Variants in ITSN2 observed in about 807,000 individuals in gnomAD.
ITSN2 encodes the protein intersectin 2, also known as intersectin-2.
A neutral mutation model predicts 243.7 loss-of-function variants in ITSN2; 156 were observed. The ratio of observed to expected loss-of-function variants is 0.64; its 90% CI spans 0.56 to 0.73. ITSN2 has a LOEUF of 0.73. Among genes scored for constraint, ITSN2 ranks in the 30% least tolerant of loss-of-function variants. The pLI is 0.00. For synonymous variants in ITSN2, 703 were observed against 699.9 expected (o/e 1.00, Z -0.07); for missense variants, 1,801 against 1,996.1 (o/e 0.90, Z 1.86).
chr2:24,261,195 A>G lies in ITSN2; in HGVS notation c.2593T>C (p.Ser865Pro). 1 of 1,613,392 alleles carries G rather than the reference A, an allele frequency of 6.2e-7. No individual in the cohort carries two copies. Among genetic ancestry groups the G allele is most frequent in the Non-Finnish European group, 8.5e-7 (1 of 1,179,356 alleles). Reference sequence around the variant, plus strand: ...CATGATGTATTTACAGTTAGGTTTGAAAAAGATACATTTTGATAATCAGTC... The same window carrying G: ...CATGATGTATTTACAGTTAGGTTTGGAAAAGATACATTTTGATAATCAGTC... The part of the protein sequence containing the change: ...SVTDYQNVSF[S>P]NLTVNTSWQK... Residue 865 changes from serine (S) to proline (P), a missense_variant, in exon 22 of 40, where the codon TCA (serine) becomes CCA (proline). Transcript: ENST00000355123.
In ITSN2 at chr2:24,216,096, A is replaced by T. The variant is rs746965329; in HGVS notation, c.3943T>A (p.Leu1315Ile). 3 of 1,611,804 alleles carry T rather than the reference A, an allele frequency of 1.9e-6. No individual in the cohort carries two copies. Among genetic ancestry groups the T allele is most frequent in the Admixed American group, 3.3e-5 (2 of 59,774 alleles). The change falls in exon 32 of 40, where the codon TTA becomes ATA. Residue 1315 changes from leucine to isoleucine, a missense_variant. This residue lies in a region of ITSN2 where 928 missense variants were observed against 1,065.4 expected (regional missense o/e 0.87). Transcript: ENST00000355123. Reference sequence around the variant, plus strand: ...GTGTCTTCATCTGTCTTCTGCTGTAACAGAGCTGCTCCATTAAGCTGGCAG... The same window carrying T: ...GTGTCTTCATCTGTCTTCTGCTGTATCAGAGCTGCTCCATTAAGCTGGCAG... ...CSCQLNGAALLQQKTDEDTDF... is the reference protein window; with the variant it reads ...CSCQLNGAALIQQKTDEDTDF...
chr2:24,301,902 C>G, intron 10 of ITSN2, 63 bp downstream of exon 10: 1 of 1,439,912 alleles, frequency 6.9e-7, no homozygotes, highest in Non-Finnish European at 9.4e-7. Context: ...ATATTTAACT[C>G]TCTTCTAAAT....
At chr2:24,359,967 G>A (rs1286432463) in intron 1 of ITSN2, among the ~76,000 whole-genome samples, 2 of 152,156 alleles carry the variant, frequency 1.3e-5, no homozygotes, top group South Asian at 4.1e-4. Flanking sequence ...AGGGGGCCAC[G>A]CCACCCCCGA....
chr2:24,286,294 C>T lies in ITSN2; in HGVS notation c.1781G>A (p.Arg594Lys), dbSNP rs1266264334. Residue 594 changes from arginine (R) to lysine (K), a missense_variant, in exon 16 of 40, where the codon AGA (arginine) becomes AAA (lysine). Transcript: ENST00000355123. Reference protein sequence around the residue: ...KSLEKEELCQRLKEQLDALEK... With the variant: ...KSLEKEELCQKLKEQLDALEK... Reference sequence around the variant, plus strand: ...AAGAGCATCTAACTGTTCTTTAAGTCTTTGGCATAATTCTTCCTTTTCTAA... The same window carrying T: ...AAGAGCATCTAACTGTTCTTTAAGTTTTTGGCATAATTCTTCCTTTTCTAA... 6.2e-7 allele frequency: 1 copy of T among 1,606,154 alleles called. No homozygotes were observed. The highest frequency in any genetic ancestry group is 1.3e-5 in the African/African-American group (1 of 74,750).
At chr2:24,292,711 C>T (rs563899189) in intron 15 of ITSN2, among the ~76,000 whole-genome samples, 63 of 152,324 alleles carry the variant, frequency 4.1e-4, no homozygotes, top group Non-Finnish European at 6.3e-4. Flanking sequence ...CCACAGGAAA[C>T]CTGCATTCTA....
intron 1 of ITSN2, among the ~76,000 whole-genome samples, chr2:24,338,459 C>G (rs1273998824): frequency 1.3e-5 from 2 of 152,194 alleles, no homozygotes; most frequent in Admixed American, 1.3e-4. Flanking sequence ...TCAGGACCTC[C>G]TGAAGGCTGT....
rs776051161 is a variant in ITSN2, at chr2:24,205,294, C to T, written c.4682G>A (p.Arg1561His). Residue 1561 changes from arginine to histidine, a missense_variant, in exon 38 of 40, where the codon CGC becomes CAC. Physicochemically the swap from Arg to His is conservative, Grantham distance 29 (BLOSUM62 0). This residue lies in a region of ITSN2 where 928 missense variants were observed against 1,065.4 expected (regional missense o/e 0.87). Coordinates refer to ENST00000355123, the MANE Select transcript of ITSN2 (RefSeq NM_006277.3). ...CCCAATGCCTGAAGTCTTTTGGGAG[C>T]GGGCTACAAAAGAGGAAGACAAGTC... ...KKKREKAYQA[R>H]SQKTSGIGRL... 21 of 1,613,124 alleles carry T rather than the reference C, an allele frequency of 1.3e-5. No individual in the cohort carries two copies. The highest frequency in any genetic ancestry group is 4.5e-5 in the East Asian group (2 of 44,864).
intron 17 of ITSN2, among the ~76,000 whole-genome samples, chr2:24,276,263 T>C (rs765340422): frequency 2.4e-4 from 37 of 152,216 alleles, no homozygotes; most frequent in Middle Eastern, 3.2e-3. Context: ...TCCAATATCA[T>C]CTTGAACTAA....
At chr2:24,352,419 A>G (rs533968035) in intron 1 of ITSN2, among the ~76,000 whole-genome samples, 2 of 152,230 alleles carry the variant, frequency 1.3e-5, no homozygotes, top group Non-Finnish European at 2.9e-5. Flanking sequence ...TGTGCCAATT[A>G]TTAATAAAAG....
chr2:24,334,001 T>C (rs1010843378), intron 1 of ITSN2, among the ~76,000 whole-genome samples: 5 of 152,172 alleles, frequency 3.3e-5, no homozygotes, highest in Admixed American at 3.3e-4. Flanking sequence ...GTGATTCTCC[T>C]GCCTCAGCCT....
chr2:24,228,661 T>C (rs1005216697), intron 29 of ITSN2, among the ~76,000 whole-genome samples: 40 of 152,098 alleles, frequency 2.6e-4, no homozygotes, highest in Admixed American at 7.9e-4. Flanking sequence ...AGACATAGAC[T>C]ACATAATTTC....
chr2:24,226,592 T>C (rs189891643), intron 29 of ITSN2, among the ~76,000 whole-genome samples: 3 of 152,278 alleles, frequency 2.0e-5, no homozygotes, highest in Non-Finnish European at 1.5e-5. Context: ...GGAGTTCTAT[T>C]AGCGGTAAAT....
At chr2:24,312,419 G>T (rs1215141908) in intron 4 of ITSN2, 44 bp from the exon 5 acceptor site, 1 of 1,415,402 alleles carries the variant, frequency 7.1e-7, no homozygotes, top group Non-Finnish European at 9.4e-7. Context: ...TGGTGTGGTG[G>T]TGGGAAAACT....
In ITSN2 at chr2:24,303,860, A is replaced by T. The variant is rs750812494; in HGVS notation, c.796T>A (p.Phe266Ile). 2.5e-6 allele frequency: 4 copies of T among 1,601,798 alleles called. No individual in the cohort carries two copies. In the South Asian group the frequency reaches 4.4e-5, roughly 18 times the overall value. The stretch of plus-strand genomic sequence containing the variant: ...TGAAGAAGGGCATTTCTAGCTTGAA[A>T]ACCTGATTAAGTGGGGAAAATCATA... ...DKSMSGYLSGFQARNALLQSN... is the reference protein window; with the variant it reads ...DKSMSGYLSGIQARNALLQSN... Residue 266 changes from phenylalanine (F) to isoleucine (I), a missense_variant and splice_region_variant, in exon 9 of 40, where the codon TTT (phenylalanine) becomes ATT (isoleucine). Physicochemically the swap from Phe to Ile is conservative, Grantham distance 21. Transcript: ENST00000355123.
At chr2:24,334,589 C>A in intron 1 of ITSN2, 2 of 1,028,016 alleles carry the variant, frequency 1.9e-6, no homozygotes, top group Non-Finnish European at 3.0e-6. Flanking sequence ...TGACACAGTA[C>A]AAGAAGGGCA....
chr2:24,204,635 C>T lies in ITSN2; in HGVS notation c.4763-217G>A. On this transcript the variant is annotated intron_variant, in intron 38 of 39. Transcript: ENST00000355123. This position sits in a 1 kb window ranked among gnomAD's most constrained non-coding sequence, Gnocchi z 5.1. Reference sequence around the variant, plus strand: ...GCATTAACTGGGGAGTGGCCGAGAGCTCCACCGCCAGGACCACTCCGCACG... The same window carrying T: ...GCATTAACTGGGGAGTGGCCGAGAGTTCCACCGCCAGGACCACTCCGCACG... 1 of 648,048 alleles carries T rather than the reference C, an allele frequency of 1.5e-6. No homozygotes were observed. Among genetic ancestry groups the T allele is most frequent in the South Asian group, 1.5e-5 (1 of 66,234 alleles). 40.1% of individuals were successfully genotyped at this position (648,048 alleles called of 1,614,324 possible). A position where few individuals can be genotyped will look rare whatever the true frequency, so the allele number is the denominator to read the frequency against.
At chr2:24,308,590 T>G (rs1307364477) in intron 8 of ITSN2, 27 bp downstream of exon 8, 1 of 1,345,128 alleles carries the variant, frequency 7.4e-7, no homozygotes, top group East Asian at 2.7e-5. Flanking sequence ...CCCTTTTTCA[T>G]GCTCTTCAGC....
chr2:24,326,994 C>T (rs574741006), intron 2 of ITSN2, among the ~76,000 whole-genome samples: 1 of 152,096 alleles, frequency 6.6e-6, no homozygotes, highest in African/African-American at 2.4e-5. Flanking sequence ...TTTAAATGCT[C>T]TTTAATATTA....
intron 31 of ITSN2, among the ~76,000 whole-genome samples, chr2:24,216,514 G>A (rs1164280592): frequency 2.0e-5 from 3 of 152,222 alleles, no homozygotes; most frequent in Non-Finnish European, 2.9e-5. Context: ...CCAGCATTTC[G>A]GGAGGCCGAG....
Sources: gnomAD v4.1 joint callset for allele counts (sites outside exome capture counted in the v4.1 genomes callset) on GRCh38, gnomAD v4.1.1 for gene constraint, gnomAD v4.1.1 regional missense constraint, Gnocchi (gnomAD v3.1) non-coding constraint, MANE v1.5 for transcripts, NCBI Gene and HGNC (gene_info 2026-07-23, HGNC 2026-07-21) for gene names.